Variants in DPP6 observed in about 807,000 individuals in gnomAD.
DPP6 encodes the protein dipeptidyl peptidase like 6, also known as A-type potassium channel modulatory protein DPP6.
Under a neutral mutation model 122.6 loss-of-function variants are expected in DPP6, and 69 were observed. That is an observed-to-expected ratio of 0.56 (90% CI 0.46 to 0.69). The LOEUF is 0.69. DPP6 is among the 30% of genes least tolerant of loss of function. The pLI is 0.00. For missense variants in DPP6, 928 were observed against 1,116.9 expected, an observed-to-expected ratio of 0.83 and a Z score of 2.41; for synonymous variants, 418 against 433.1, an observed-to-expected ratio of 0.97 and a Z score of 0.43.
At chr7:154,019,842 C>T (rs1471387437) in intron 1 of DPP6, among the ~76,000 whole-genome samples, 4 of 152,282 alleles carry the variant, frequency 2.6e-5, no homozygotes, top group African/African-American at 9.6e-5. Flanking sequence ...GTAACCATAA[C>T]AGATAATGTT....
intron 7 of DPP6, among the ~76,000 whole-genome samples, chr7:154,677,590 A>G (rs930783648): frequency 1.3e-5 from 2 of 152,360 alleles, no homozygotes; most frequent in South Asian, 2.1e-4. Context: ...GCAGTTTGAT[A>G]GCAGATCGGA....
At position 154,003,199 on chromosome 7, in the gene DPP6, A is replaced by T. The variant is rs567759845; in HGVS notation, c.51+115465A>T. On this transcript the variant is annotated intron_variant, in intron 1 of 25. Coordinates refer to the DPP6 transcript ENST00000404039. ...CTTTGCTCAGTTCTACTTGGTTCTTATCAACGTCGGTGACCCGCAGAACTC... is the reference window on the plus strand; with the variant it reads ...CTTTGCTCAGTTCTACTTGGTTCTTTTCAACGTCGGTGACCCGCAGAACTC... Among the ~76,000 whole-genome samples the T allele has an allele frequency of 1.4e-4, 22 of 152,306 alleles. 1 individual carries two copies. Among genetic ancestry groups the T allele is most frequent in the African/African-American group, 5.3e-4 (22 of 41,566 alleles).
intron 5 of DPP6, among the ~76,000 whole-genome samples, chr7:154,578,872 G>T (rs1158766635): frequency 1.3e-5 from 2 of 152,154 alleles, no homozygotes; most frequent in Non-Finnish European, 2.9e-5. Flanking sequence ...TCTTCCAATG[G>T]CACTGCAATC....
At chr7:153,867,244 A>T in the DPP6 span, among the ~76,000 whole-genome samples, 1 of 152,128 alleles carries the variant, frequency 6.6e-6, no homozygotes, top group Non-Finnish European at 1.5e-5. Context: ...CTTGGGCAGT[A>T]TGGCCATTTT....
At chr7:154,343,265 T>C (rs1365501229) in intron 1 of DPP6, among the ~76,000 whole-genome samples, 6 of 152,208 alleles carry the variant, frequency 3.9e-5, no homozygotes, top group Non-Finnish European at 8.8e-5. Flanking sequence ...TGAAGGAGTA[T>C]GCAGATTCCC....
intron 1 of DPP6, among the ~76,000 whole-genome samples, chr7:153,928,702 C>A (rs1160855782): frequency 5.3e-5 from 8 of 152,124 alleles, no homozygotes; most frequent in Non-Finnish European, 1.0e-4. Context: ...CCTTTTAATA[C>A]CATCACGTTG....
At chr7:154,357,961 G>C (rs1463572922) in intron 1 of DPP6, among the ~76,000 whole-genome samples, 2 of 140,998 alleles carry the variant, frequency 1.4e-5, no homozygotes, top group East Asian at 4.1e-4. Flanking sequence ...AAAAAAAAAA[G>C]AAAAGAAAAG....
intron 1 of DPP6, among the ~76,000 whole-genome samples, chr7:153,973,631 TCG>T (rs1796139015): frequency 2.0e-5 from 2 of 99,146 alleles, no homozygotes; most frequent in African/African-American, 7.6e-5. Context: ...TCACCATCGC[TCG>T]TGTGTGTGTG....
At chr7:154,035,107 T>G (rs1799451397) in intron 1 of DPP6, among the ~76,000 whole-genome samples, 1 of 152,228 alleles carries the variant, frequency 6.6e-6, no homozygotes, top group Non-Finnish European at 1.5e-5. Context: ...TTTTCAGCCT[T>G]AAGGGTCTTC....
intron 10 of DPP6, among the ~76,000 whole-genome samples, chr7:154,781,484 A>G (rs899228578): frequency 1.3e-5 from 2 of 152,198 alleles, no homozygotes; most frequent in East Asian, 1.9e-4. Context: ...AAGTGAAATT[A>G]TGGAAACAGA....
chr7:154,740,883 T>C (rs1842787992), intron 8 of DPP6, among the ~76,000 whole-genome samples: 1 of 152,202 alleles, frequency 6.6e-6, no homozygotes, highest in Admixed American at 6.5e-5. Context: ...GAAACCTATC[T>C]GCCCTAAAGG....
At chr7:154,653,173 T>G (rs751085102) in intron 6 of DPP6, among the ~76,000 whole-genome samples, 1 of 152,148 alleles carries the variant, frequency 6.6e-6, no homozygotes, top group Admixed American at 6.5e-5. Flanking sequence ...TTAACACATA[T>G]GATGTAAGGT....
chr7:154,426,184 T>G (rs188470199), intron 1 of DPP6, among the ~76,000 whole-genome samples: 1 of 152,318 alleles, frequency 6.6e-6, no homozygotes, highest in African/African-American at 2.4e-5. Context: ...TTACCCAGCA[T>G]ACTGTTTGCC....
intron 1 of DPP6, among the ~76,000 whole-genome samples, chr7:154,366,528 C>T (rs1416861430): frequency 6.6e-6 from 1 of 152,172 alleles, no homozygotes; most frequent in African/African-American, 2.4e-5. Flanking sequence ...ATGCAGGTGC[C>T]TAGCTTGCAA....
intron 1 of DPP6, among the ~76,000 whole-genome samples, chr7:154,250,248 T>C (rs1391217574): frequency 6.6e-6 from 1 of 152,136 alleles, no homozygotes; most frequent in Middle Eastern, 3.2e-3. Context: ...ATAAAGCCCT[T>C]CCTTCTTCAA....
chr7:154,813,877 C>CTTTTTTTTTT (rs35188883), intron 16 of DPP6, among the ~76,000 whole-genome samples: 2 of 94,466 alleles, frequency 2.1e-5, no homozygotes, highest in East Asian at 3.2e-4. Context: ...AAGCACATTT[C>CTTTTTTTTTT]TTTTTTTTTT....
At chr7:154,629,088 C>G (rs745319891) in intron 5 of DPP6, among the ~76,000 whole-genome samples, 1 of 152,168 alleles carries the variant, frequency 6.6e-6, no homozygotes, top group East Asian at 1.9e-4. Context: ...CACAAAACCT[C>G]GGCTTGGATT....
chr7:154,564,393 T>C lies in DPP6; in HGVS notation c.553-2449T>C, dbSNP rs533462455. ...CCATAAGCAGGGAAACAAAAACTAA[T>C]GAGGCATGTTTACATCTACAGGAGG... On this transcript the variant is annotated intron_variant, in intron 4 of 25. Coordinates refer to ENST00000377770, the MANE Select transcript of DPP6 (RefSeq NM_130797.4). 6.6e-5 allele frequency among the ~76,000 whole-genome samples: 10 copies of C among 152,260 alleles called. No individual in the cohort carries two copies. In the South Asian group the frequency reaches 8.3e-4, roughly 13 times the overall value.
At chr7:154,884,843 G>T (rs566922877) in intron 21 of DPP6, 1 of 152,380 alleles carries the variant, frequency 6.6e-6, no homozygotes, top group African/African-American at 2.4e-5. Flanking sequence ...GCTCACACAT[G>T]TGCTTATACA....
Sources: gnomAD v4.1 joint callset for allele counts (sites outside exome capture counted in the v4.1 genomes callset) on GRCh38, gnomAD v4.1.1 for gene constraint, MANE v1.5 for transcripts, NCBI Gene and HGNC (gene_info 2026-07-23, HGNC 2026-07-21) for gene names.